Variants in IGF2BP2 observed in about 807,000 individuals in gnomAD.
The protein encoded by IGF2BP2 is insulin-like growth factor 2 mRNA-binding protein 2.
A neutral mutation model predicts 75.8 loss-of-function variants in IGF2BP2; 17 were observed. The ratio of observed to expected loss-of-function variants is 0.22; its 90% CI spans 0.15 to 0.34. IGF2BP2 has a LOEUF of 0.34. Ranked by LOEUF, IGF2BP2 falls within the 10% of genes least tolerant of loss-of-function variation. The probability of loss-of-function intolerance (pLI) is 1.00; values close to 1 mark genes in which losing one functional copy is unlikely to be tolerated. For synonymous variants in IGF2BP2, 288 were observed against 295.6 expected (o/e 0.97, Z 0.26); for missense variants, 516 against 772.4 (o/e 0.67, Z 3.93).
intron 12 of IGF2BP2, 117 bp from the exon 13 acceptor site, chr3:185,652,285 T>C (rs1714731209): frequency 2.5e-6 from 2 of 800,808 alleles, no homozygotes; most frequent in Admixed American, 5.1e-5. Context: ...CTTCTGCCGT[T>C]ACCCCTGGTT....
At chr3:185,725,612 C>T (rs539199624) in intron 2 of IGF2BP2, among the ~76,000 whole-genome samples, 1 of 152,112 alleles carries the variant, frequency 6.6e-6, no homozygotes, top group South Asian at 2.1e-4. Flanking sequence ...AGGTAAATTC[C>T]ATTCTAAATA....
At chr3:185,672,701 G>A (rs1718714280) in intron 9 of IGF2BP2, 32 bp from the exon 10 acceptor site, 2 of 1,613,468 alleles carry the variant, frequency 1.2e-6, no homozygotes, top group Non-Finnish European at 1.7e-6. Flanking sequence ...AAAGATGAAG[G>A]GAGGAGACCA....
chr3:185,692,233 C>A (rs1311057532), intron 5 of IGF2BP2, among the ~76,000 whole-genome samples: 1 of 152,200 alleles, frequency 6.6e-6, no homozygotes, highest in Non-Finnish European at 1.5e-5. Context: ...CCTAATGTTA[C>A]ACACACAAAA....
intron 2 of IGF2BP2, among the ~76,000 whole-genome samples, chr3:185,781,122 C>T (rs1402086297): frequency 3.3e-5 from 5 of 152,020 alleles, no homozygotes; most frequent in Admixed American, 3.3e-4. Flanking sequence ...CTTGAACAAC[C>T]CAAGGAAATA....
At chr3:185,717,953 T>G (rs1308039421) in intron 2 of IGF2BP2, 1 of 152,254 alleles carries the variant, frequency 6.6e-6, no homozygotes, top group African/African-American at 2.4e-5. Flanking sequence ...AGCTTTGCAC[T>G]GTGCATTCCC....
At chr3:185,778,401 C>T (rs1281693452) in intron 2 of IGF2BP2, among the ~76,000 whole-genome samples, 4 of 152,216 alleles carry the variant, frequency 2.6e-5, no homozygotes, top group Admixed American at 6.5e-5. Context: ...TTCTACACAG[C>T]GGCCTAGCCA....
At chr3:185,823,362 T>C in intron 1 of IGF2BP2, 149 bp from the exon 2 acceptor site, 1 of 510,632 alleles carries the variant, frequency 2.0e-6, no homozygotes, top group Middle Eastern at 3.4e-4. Context: ...GCGAACTTGG[T>C]TCCCAGTAGA....
chr3:185,777,375 A>C (rs1560454480), intron 2 of IGF2BP2, among the ~76,000 whole-genome samples: 1 of 152,162 alleles, frequency 6.6e-6, no homozygotes, highest in African/African-American at 2.4e-5. Context: ...ATGGTGGCTC[A>C]TGCCTGTAGT....
At chr3:185,822,743 C>A (rs1002594383) in intron 2 of IGF2BP2, among the ~76,000 whole-genome samples, 1 of 151,886 alleles carries the variant, frequency 6.6e-6, no homozygotes, top group Non-Finnish European at 1.5e-5. Flanking sequence ...AGTAATTAAT[C>A]GCTAAGTTTA....
intron 10 of IGF2BP2, among the ~76,000 whole-genome samples, chr3:185,660,087 G>A (rs989381174): frequency 1.2e-4 from 19 of 152,164 alleles, no homozygotes; most frequent in Admixed American, 2.0e-4. Flanking sequence ...GTGAACCACC[G>A]CGCCCGGTCT....
intron 12 of IGF2BP2, among the ~76,000 whole-genome samples, chr3:185,656,008 C>G (rs1390064966): frequency 1.3e-5 from 2 of 152,222 alleles, no homozygotes; most frequent in African/African-American, 2.4e-5. Flanking sequence ...TTGCCCATGT[C>G]CCGGCACTCT....
chr3:185,755,603 G>A (rs1204745605), intron 2 of IGF2BP2, among the ~76,000 whole-genome samples: 2 of 152,218 alleles, frequency 1.3e-5, no homozygotes, highest in African/African-American at 2.4e-5. Context: ...GGGAAGCCAC[G>A]AGGGCAGGGC....
At position 185,792,692 on chromosome 3, in the gene IGF2BP2, G is replaced by A. The variant is rs557552998; in HGVS notation, c.239+30461C>T. On this transcript the variant is annotated intron_variant, in intron 2 of 15. Transcript: ENST00000382199. The stretch of plus-strand genomic sequence containing the variant: ...TGAGGCAGAGAATTGTTCGAACCCC[G>A]GAGGTGGAGGTTACAGTGAGCCGAG... 9.2e-5 allele frequency among the ~76,000 whole-genome samples: 14 copies of A among 151,514 alleles called. No individual in the cohort carries two copies. In the East Asian group the frequency reaches 1.9e-3, roughly 21 times the overall value.
At chr3:185,665,106 A>C (rs1717087837) in intron 10 of IGF2BP2, among the ~76,000 whole-genome samples, 1 of 149,378 alleles carries the variant, frequency 6.7e-6, no homozygotes, top group African/African-American at 2.5e-5. Flanking sequence ...TCGAGATGGC[A>C]GTGAGCTGGG....
intron 2 of IGF2BP2, chr3:185,717,824 G>A (rs570872830): frequency 1.1e-4 from 17 of 152,360 alleles, no homozygotes; most frequent in African/African-American, 4.1e-4. Flanking sequence ...AAGTCCACCA[G>A]GTGGGAAGTA....
intron 2 of IGF2BP2, among the ~76,000 whole-genome samples, chr3:185,735,567 C>T (rs1175950718): frequency 2.0e-5 from 3 of 152,140 alleles, no homozygotes. Flanking sequence ...TTGGCATTAT[C>T]GATGGTCAGT....
chr3:185,804,032 G>T (rs1434333987), intron 2 of IGF2BP2, among the ~76,000 whole-genome samples: 2 of 152,180 alleles, frequency 1.3e-5, no homozygotes, highest in African/African-American at 4.8e-5. Flanking sequence ...GCTGAGGCGG[G>T]TGGATCACGA....
chr3:185,650,708 T>A (rs934447483), intron 13 of IGF2BP2, among the ~76,000 whole-genome samples: 95 of 151,746 alleles, frequency 6.3e-4, no homozygotes, highest in African/African-American at 2.3e-3. Flanking sequence ...AAAAAAAATA[T>A]ATCAATTTCA....
intron 2 of IGF2BP2, among the ~76,000 whole-genome samples, chr3:185,804,879 G>A (rs1203379500): frequency 5.3e-5 from 8 of 151,842 alleles, no homozygotes; most frequent in Non-Finnish European, 8.8e-5. Context: ...TGTAGTCCCA[G>A]CTACTCGGGA....
Sources: gnomAD v4.1 joint callset for allele counts (sites outside exome capture counted in the v4.1 genomes callset) on GRCh38, gnomAD v4.1.1 for gene constraint, MANE v1.5 for transcripts, NCBI Gene and HGNC (gene_info 2026-07-23, HGNC 2026-07-21) for gene names.